SLIT3: variants seen among roughly 807,000 people sequenced by gnomAD.
SLIT3 encodes slit homolog 3 protein.
Under a neutral mutation model 184.0 loss-of-function variants are expected in SLIT3, and 68 were observed. The ratio of observed to expected loss-of-function variants is 0.37; its 90% CI spans 0.30 to 0.45. The LOEUF (loss-of-function observed/expected upper bound fraction) is 0.45. Among genes scored for constraint, SLIT3 ranks in the 20% least tolerant of loss-of-function variants. SLIT3 has a pLI of 1.00. For missense variants in SLIT3, 1,707 were observed against 2,026.0 expected (o/e 0.84, Z 3.02); for synonymous variants, 831 against 828.6 (o/e 1.00, Z -0.05).
chr5:168,744,938 TG>T, intron 20 of SLIT3, among the ~76,000 whole-genome samples: 1 of 152,354 alleles, frequency 6.6e-6, no homozygotes, highest in East Asian at 1.9e-4. Flanking sequence ...AAATATATTT[TG>T]TAAGGCCATA....
At chr5:168,719,813 C>G in intron 23 of SLIT3, 1 of 152,202 alleles carries the variant, frequency 6.6e-6, no homozygotes, top group East Asian at 1.9e-4. Context: ...AAAATGGTTG[C>G]TCCCCACTGA....
Position 168,717,042 on chromosome 5 carries a change from T to C in SLIT3, c.2484-4688A>G, listed in dbSNP as rs201529413. 4.5e-3 allele frequency among the ~76,000 whole-genome samples: 590 copies of C among 132,466 alleles called. 9 individuals carry two copies. The East Asian group carries it at 0.06, about 13-fold the overall frequency. The allele number at this position is 132,466 out of a possible 152,430, so 86.9% of individuals were successfully genotyped here. ...GACTTCAGGGCCTCTGTCCAGGGCA[T>C]TTATATTCTCCCGGCCTAGAATGTT... On this transcript the variant is annotated intron_variant, in intron 23 of 35. Transcript: ENST00000519560.
Position 168,774,297 on chromosome 5 carries a change from A to G in SLIT3, c.1233T>C (p.Tyr411=), listed in dbSNP as rs763170279. Residue 411 remains tyrosine (Y), a synonymous_variant, in exon 13 of 36, where the codon TAT becomes TAC. Transcript: ENST00000519560. ...DLQNLNLLSL[Y]DNKLQTISKG... The stretch of plus-strand genomic sequence containing the variant: ...TGCTGATGGTCTGCAGCTTGTTGTC[A>G]TACAGGGAGAGCAAGTTGAGGTTCT... The G allele has an allele frequency of 2.5e-6, 4 of 1,613,976 alleles. No homozygotes were observed. The highest frequency in any genetic ancestry group is 4.5e-5 in the East Asian group (2 of 44,872).
chr5:169,275,937 A>G (rs1367405858), intron 1 of SLIT3, among the ~76,000 whole-genome samples: 1 of 152,122 alleles, frequency 6.6e-6, no homozygotes, highest in Non-Finnish European at 1.5e-5. Flanking sequence ...TTTGGATTGT[A>G]AAACTGGTCC....
intron 22 of SLIT3, 30 bp downstream of exon 22, chr5:168,722,903 A>G (rs777420166): frequency 3.9e-6 from 6 of 1,549,804 alleles, no homozygotes; most frequent in South Asian, 2.2e-5. Flanking sequence ...GCCCAAGGGC[A>G]TGGTAAACAC....
chr5:168,913,278 G>A (rs959010260), intron 4 of SLIT3, among the ~76,000 whole-genome samples: 1 of 152,112 alleles, frequency 6.6e-6, no homozygotes, highest in African/African-American at 2.4e-5. Context: ...CAATACATAC[G>A]GAGTTCAACA....
intron 5 of SLIT3, among the ~76,000 whole-genome samples, chr5:168,873,552 C>T (rs2113771181): frequency 6.6e-6 from 1 of 152,152 alleles, no homozygotes; most frequent in African/African-American, 2.4e-5. Flanking sequence ...ATCGCTTGAG[C>T]CCAGGAGGCA....
rs1763093206 is a variant in SLIT3, at chr5:168,725,873, T to C, written c.2271-1389A>G. On this transcript the variant is annotated intron_variant, in intron 20 of 35. Transcript: ENST00000519560. ...GAATATGGGTCAAGGTGTCAATGAC[T>C]GAACCAGCCTTAGCTTTAAGGCCAC... 3.9e-5 allele frequency among the ~76,000 whole-genome samples: 6 copies of C among 152,238 alleles called. No individual in the cohort carries two copies. In the South Asian group the frequency reaches 1.0e-3, roughly 26 times the overall value.
chr5:168,738,450 A>G (rs567149612), intron 20 of SLIT3, among the ~76,000 whole-genome samples: 1 of 152,342 alleles, frequency 6.6e-6, no homozygotes, highest in Non-Finnish European at 1.5e-5. Flanking sequence ...TGGGAGATGT[A>G]CACACACAGC....
chr5:168,754,111 C>T, intron 16 of SLIT3, 104 bp from the exon 17 acceptor site: 1 of 1,213,928 alleles, frequency 8.2e-7, no homozygotes, highest in South Asian at 1.5e-5. Context: ...TCTGGGGCCC[C>T]TGAGACTGAG....
At chr5:169,000,145 G>C (rs1755653475) in intron 4 of SLIT3, among the ~76,000 whole-genome samples, 1 of 152,126 alleles carries the variant, frequency 6.6e-6, no homozygotes. Context: ...TGTAATCCCA[G>C]CACTTTGGGA....
Position 168,772,884 on chromosome 5 carries a change from G to T in SLIT3, c.1356C>A (p.Leu452=). The change falls in exon 14 of 36, where the codon CTC becomes CTA. Residue 452 remains leucine, a synonymous_variant. Coordinates refer to ENST00000519560, the MANE Select transcript of SLIT3 (RefSeq NM_003062.4). The part of the protein sequence containing the change: ...DCHLKWLADY[L]QDNPIETSGA... ...CGCTTGTCTCGATGGGGTTGTCCTG[G>T]AGGTAGTCGGCCAGCCACTTCAAGT... 1.9e-6 allele frequency: 3 copies of T among 1,613,686 alleles called. No homozygotes were observed. Among genetic ancestry groups the T allele is most frequent in the Non-Finnish European group, 2.5e-6 (3 of 1,179,802 alleles).
chr5:169,053,741 C>G (rs1329112383), intron 4 of SLIT3, among the ~76,000 whole-genome samples: 1 of 151,614 alleles, frequency 6.6e-6, no homozygotes, highest in South Asian at 2.1e-4. Context: ...ATTATGTCCC[C>G]CCAAAAGATT....
chr5:169,274,231 A>G (rs1205145398), intron 1 of SLIT3, among the ~76,000 whole-genome samples: 2 of 152,188 alleles, frequency 1.3e-5, no homozygotes, highest in Non-Finnish European at 1.5e-5. Context: ...CCACTAGTCT[A>G]GAAGACCGAT....
At chr5:168,919,243 C>A (rs1040543591) in intron 4 of SLIT3, among the ~76,000 whole-genome samples, 3 of 137,414 alleles carry the variant, frequency 2.2e-5, no homozygotes, top group Non-Finnish European at 3.1e-5. Context: ...CTGGGGGACA[C>A]AGCGAGACTC....
intron 1 of SLIT3, among the ~76,000 whole-genome samples, chr5:169,269,060 A>G (rs762169165): frequency 9.9e-5 from 15 of 152,190 alleles, no homozygotes; most frequent in Admixed American, 4.6e-4. Context: ...ATGATTCTGG[A>G]GGACAGGCCT....
chr5:169,106,293 C>T (rs1760203712), intron 4 of SLIT3, among the ~76,000 whole-genome samples: 1 of 152,140 alleles, frequency 6.6e-6, no homozygotes, highest in Non-Finnish European at 1.5e-5. Flanking sequence ...AGAAAAATCC[C>T]TCTGGCTGCA....
chr5:168,817,336 C>T lies in SLIT3; in HGVS notation c.757G>A (p.Val253Met), dbSNP rs143627388. Reference sequence around the variant, plus strand: ...TACTCCTTCTTCTGCACATCCGCCACGTTGAAGCCCCTCAAATGCACAGGA... The same window carrying T: ...TACTCCTTCTTCTGCACATCCGCCATGTTGAAGCCCCTCAAATGCACAGGA... ...MAPVHLRGFN[V>M]ADVQKKEYVC... Residue 253 changes from valine (V) to methionine (M), a missense_variant, in exon 8 of 36, where the codon GTG (valine) becomes ATG (methionine). Physicochemically the swap from Val to Met is conservative, Grantham distance 21. Coordinates refer to ENST00000519560, the MANE Select transcript of SLIT3 (RefSeq NM_003062.4). 5.5e-4 allele frequency: 891 copies of T among 1,614,188 alleles called. 5 individuals carry two copies. Among genetic ancestry groups the T allele is most frequent in the East Asian group, 3.8e-4 (17 of 44,878 alleles).
intron 4 of SLIT3, among the ~76,000 whole-genome samples, chr5:168,992,530 A>C (rs1755363920): frequency 6.6e-6 from 1 of 152,182 alleles, no homozygotes; most frequent in African/African-American, 2.4e-5. Context: ...GGGTCTTCAA[A>C]CTCTTTTTTA....
Sources: allele counts gnomAD v4.1 joint callset (sites outside exome capture counted in the v4.1 genomes callset), GRCh38; gene constraint gnomAD v4.1.1; transcripts MANE v1.5; gene names NCBI Gene and HGNC (gene_info 2026-07-23, HGNC 2026-07-21).